The following AGBL1 variants were observed in gnomAD, a reference collection of about 807,000 sequenced individuals.
AGBL1 encodes AGBL carboxypeptidase 1.
In AGBL1, 130 loss-of-function variants were observed where a neutral mutation model predicts 118.9. That is an observed-to-expected ratio of 1.09 (90% confidence interval 0.95 to 1.26). AGBL1 has a LOEUF of 1.26. AGBL1 is among the 50% of genes most tolerant of loss of function. The probability of loss-of-function intolerance (pLI) is 0.00; values close to 1 mark genes in which losing one functional copy is unlikely to be tolerated. For missense variants in AGBL1, 1,584 were observed against 1,298.1 expected, an observed-to-expected ratio of 1.22 and a Z score of -3.38; for synonymous variants, 555 against 478.9, an observed-to-expected ratio of 1.16 and a Z score of -2.08.
chr15:86,804,164 G>A (rs58008085), intron 22 of AGBL1, among the ~76,000 whole-genome samples: 13,436 of 152,162 alleles, frequency 0.088, 642 homozygotes, highest in South Asian at 0.14. Context: ...TATGAAAGGA[G>A]TGGGAAGAAG....
At chr15:86,686,817 C>A (rs551930467) in intron 22 of AGBL1, among the ~76,000 whole-genome samples, 2 of 152,162 alleles carry the variant, frequency 1.3e-5, no homozygotes, top group Admixed American at 6.5e-5. Flanking sequence ...ATACATATCC[C>A]ATTGGACAGA....
At chr15:86,905,700 C>T (rs1420960007) in intron 22 of AGBL1, among the ~76,000 whole-genome samples, 1 of 152,140 alleles carries the variant, frequency 6.6e-6, no homozygotes, top group Admixed American at 6.5e-5. Flanking sequence ...GTCCCACAGC[C>T]AATATTTAAA....
At chr15:86,858,466 G>GTT (rs2079516602) in intron 22 of AGBL1, among the ~76,000 whole-genome samples, 1 of 139,164 alleles carries the variant, frequency 7.2e-6, no homozygotes, top group Non-Finnish European at 1.6e-5. Flanking sequence ...TTCAGGTGGT[G>GTT]TGTGTGTGTG....
At chr15:86,572,050 A>G (rs1291127083) in intron 21 of AGBL1, among the ~76,000 whole-genome samples, 1 of 152,128 alleles carries the variant, frequency 6.6e-6, no homozygotes, top group East Asian at 1.9e-4. Flanking sequence ...TGTCAGCTCT[A>G]CCCCGACTGT....
Position 86,540,709 on chromosome 15 carries a change from G to C in AGBL1, c.2686-5293G>C, listed in dbSNP as rs539265462. On this transcript the variant is annotated intron_variant, in intron 19 of 22. Transcript: ENST00000614907. ...TAAATCTTATGGTAGAAAAGAAAAA[G>C]CTTCCTTAACTTAAATAATTGGATA... Among the ~76,000 whole-genome samples, 8 of 152,290 alleles carry C rather than the reference G, an allele frequency of 5.3e-5. No homozygotes were observed. The South Asian group carries it at 1.0e-3, about 20-fold the overall frequency.
At chr15:86,989,097 C>A (rs2081312914) in intron 24 of AGBL1, among the ~76,000 whole-genome samples, 1 of 148,746 alleles carries the variant, frequency 6.7e-6, no homozygotes, top group Admixed American at 6.8e-5. Context: ...GATCCTCCTG[C>A]TTCAAATGAT....
intron 16 of AGBL1, among the ~76,000 whole-genome samples, chr15:86,293,557 C>G (rs1251537626): frequency 6.6e-6 from 1 of 152,120 alleles, no homozygotes; most frequent in Non-Finnish European, 1.5e-5. Context: ...GGACGACCTC[C>G]CCATTTCAAG....
chr15:86,204,970 C>G (rs1057452421), intron 5 of AGBL1, among the ~76,000 whole-genome samples: 1 of 152,196 alleles, frequency 6.6e-6, no homozygotes, highest in Non-Finnish European at 1.5e-5. Context: ...TGGTGTTGTA[C>G]ATTCTCTGGG....
chr15:86,649,123 A>G (rs148824068), intron 21 of AGBL1, among the ~76,000 whole-genome samples: 187 of 152,288 alleles, frequency 1.2e-3, no homozygotes, highest in African/African-American at 4.2e-3. Context: ...CTGTCCATCT[A>G]TGAGGATGAG....
At chr15:86,100,768 G>T (rs1896666542) in intron 1 of AGBL1, among the ~76,000 whole-genome samples, 1 of 151,734 alleles carries the variant, frequency 6.6e-6, no homozygotes, top group Non-Finnish European at 1.5e-5. Flanking sequence ...TCTTTTATTT[G>T]GTTAGTCTAT....
At chr15:86,329,553 C>A (rs190504761) in intron 17 of AGBL1, among the ~76,000 whole-genome samples, 7 of 152,284 alleles carry the variant, frequency 4.6e-5, no homozygotes, top group Admixed American at 2.0e-4. Context: ...CACTTCATGC[C>A]CAGGCAGATC....
chr15:86,938,962 C>G (rs1289128509), intron 23 of AGBL1: 2 of 152,284 alleles, frequency 1.3e-5, no homozygotes, highest in African/African-American at 4.8e-5. Flanking sequence ...CCAGCGTTGT[C>G]TTGCCACAAA....
chr15:86,713,533 A>T (rs1169848867), intron 22 of AGBL1, among the ~76,000 whole-genome samples: 1 of 152,166 alleles, frequency 6.6e-6, no homozygotes, highest in Non-Finnish European at 1.5e-5. Context: ...AGAGCACTAG[A>T]CGGGTTGTGG....
chr15:86,430,387 C>T (rs12907845), intron 18 of AGBL1, among the ~76,000 whole-genome samples: 11,239 of 151,222 alleles, frequency 0.074, 542 homozygotes, highest in African/African-American at 0.13. Flanking sequence ...ACCAGCTACT[C>T]AGGAGGCTGA....
chr15:86,364,004 C>T (rs2080842827), intron 17 of AGBL1, among the ~76,000 whole-genome samples: 1 of 152,176 alleles, frequency 6.6e-6, no homozygotes, highest in South Asian at 2.1e-4. Flanking sequence ...GAGCATCCTG[C>T]TTTTCTATTC....
chr15:86,559,178 C>T (rs2083778648), intron 21 of AGBL1, among the ~76,000 whole-genome samples: 1 of 152,098 alleles, frequency 6.6e-6, no homozygotes, highest in African/African-American at 2.4e-5. Context: ...GAATAAGAGC[C>T]CACCTTACTC....
At chr15:86,626,831 CTTTTCT>C (rs1161209412) in intron 21 of AGBL1, among the ~76,000 whole-genome samples, 2 of 114,104 alleles carry the variant, frequency 1.8e-5, no homozygotes, top group Non-Finnish European at 3.7e-5. Flanking sequence ...GAGTAATATA[CTTTTCT>C]TTTTTTTTTT....
chr15:86,418,206 C>T (rs2081728256), intron 18 of AGBL1, among the ~76,000 whole-genome samples: 1 of 152,188 alleles, frequency 6.6e-6, no homozygotes, highest in Non-Finnish European at 1.5e-5. Flanking sequence ...CTGGAGAGAA[C>T]CAAGGACAGT....
chr15:86,728,873 C>G (rs868001147), intron 22 of AGBL1, among the ~76,000 whole-genome samples: 24 of 152,218 alleles, frequency 1.6e-4, no homozygotes, highest in African/African-American at 4.8e-4. Flanking sequence ...CCTGCACATC[C>G]AGATTTAGTT....
Sources: allele counts gnomAD v4.1 joint callset (sites outside exome capture counted in the v4.1 genomes callset), GRCh38; gene constraint gnomAD v4.1.1; transcripts MANE v1.5; gene names NCBI Gene and HGNC (gene_info 2026-07-23, HGNC 2026-07-21).